Variants in ABCA13 observed in about 807,000 individuals in gnomAD.
The protein encoded by ABCA13 is ATP-binding cassette sub-family A member 13.
A neutral mutation model predicts 478.7 loss-of-function variants in ABCA13; 476 were observed. The observed-to-expected ratio is 0.99, with a 90% CI of 0.92 to 1.07. The LOEUF (loss-of-function observed/expected upper bound fraction) is 1.07, where lower values mean the gene tolerates loss of function less well. Among genes scored for constraint, ABCA13 ranks in the 50% least tolerant of loss-of-function variants. The probability of loss-of-function intolerance (pLI) is 0.00; values close to 1 mark genes in which losing one functional copy is unlikely to be tolerated. For synonymous variants in ABCA13, 2,252 were observed against 2,158.9 expected, an observed-to-expected ratio of 1.04 and a Z score of -1.20; for missense variants, 6,060 against 5,910.6, an observed-to-expected ratio of 1.03 and a Z score of -0.83.
At chr7:48,475,944 C>G (rs186154308) in intron 45 of ABCA13, among the ~76,000 whole-genome samples, 82 of 152,260 alleles carry the variant, frequency 5.4e-4, no homozygotes, top group Non-Finnish European at 5.9e-4. Context: ...GGTCTGAGCT[C>G]CAGTGGATAA....
In ABCA13 at chr7:48,275,891, C is replaced by A. The variant is rs753294867; in HGVS notation, c.6225C>A (p.Ile2075=). The A allele has an allele frequency of 8.7e-6, 14 of 1,613,560 alleles. No homozygotes were observed. The East Asian group carries it at 3.1e-4, about 36-fold the overall frequency. Residue 2075 remains isoleucine, a synonymous_variant, in exon 17 of 62, where the codon ATC becomes ATA. Coordinates refer to ENST00000435803, the MANE Select transcript of ABCA13 (RefSeq NM_152701.5). ...IMKDLTQDFR[I]RHLLSEMNKG... ...AAGACCTAACCCAAGATTTTAGAATCAGACACCTGCTTTCTGAAATGAACA... is the reference window on the plus strand; with the variant it reads ...AAGACCTAACCCAAGATTTTAGAATAAGACACCTGCTTTCTGAAATGAACA...
At chr7:48,368,196 C>T (rs1811989103) in intron 32 of ABCA13, among the ~76,000 whole-genome samples, 1 of 152,228 alleles carries the variant, frequency 6.6e-6, no homozygotes, top group African/African-American at 2.4e-5. Flanking sequence ...TTTTAAAACC[C>T]AGAAAAACAT....
intron 58 of ABCA13, among the ~76,000 whole-genome samples, chr7:48,605,209 G>A (rs1377550382): frequency 2.0e-5 from 3 of 152,016 alleles, no homozygotes; most frequent in Non-Finnish European, 4.4e-5. Context: ...CTTTTAATTG[G>A]GGCACGTAGC....
chr7:48,439,815 G>A (rs1213283119), intron 42 of ABCA13, among the ~76,000 whole-genome samples: 2 of 152,104 alleles, frequency 1.3e-5, no homozygotes, highest in Non-Finnish European at 2.9e-5. Context: ...CGTTCTTAAT[G>A]AGATCTGTAA....
In ABCA13 at chr7:48,272,060, C is replaced by T. The variant is rs748153272; in HGVS notation, c.2394C>T (p.Asn798=). Residue 798 remains asparagine, a synonymous_variant, in exon 17 of 62, where the codon AAC becomes AAT. Coordinates refer to ENST00000435803, the MANE Select transcript of ABCA13 (RefSeq NM_152701.5). The stretch of plus-strand genomic sequence containing the variant: ...CTCAGAAACTCTTGGAATTTGGCAA[C>T]GAAGTGATTTGGAAAATGCAGACTC... ...TDAQKLLEFG[N]EVIWKMQTLG... 33 of 1,613,462 alleles carry T rather than the reference C, an allele frequency of 2.0e-5. No individual in the cohort carries two copies. Among genetic ancestry groups the T allele is most frequent in the Middle Eastern group, 1.6e-4 (1 of 6,084 alleles).
intron 60 of ABCA13, 67 bp downstream of exon 60, chr7:48,643,460 T>C (rs1795246313): frequency 1.5e-6 from 2 of 1,376,312 alleles, no homozygotes; most frequent in Non-Finnish European, 2.1e-6. Flanking sequence ...GTACCTGTCT[T>C]TTTTTGTTTT....
intron 41 of ABCA13, among the ~76,000 whole-genome samples, chr7:48,420,091 C>G (rs993916475): frequency 1.1e-4 from 17 of 152,176 alleles, no homozygotes; most frequent in African/African-American, 3.9e-4. Context: ...TGTTGTAGCG[C>G]TGAGGGTGCT....
intron 1 of ABCA13, among the ~76,000 whole-genome samples, chr7:48,185,173 G>A (rs1320134083): frequency 1.3e-5 from 2 of 152,134 alleles, no homozygotes; most frequent in Non-Finnish European, 2.9e-5. Context: ...ATTTGTTGCA[G>A]AAGAAATTAT....
chr7:48,355,200 G>A (rs1809692760), intron 31 of ABCA13, among the ~76,000 whole-genome samples: 2 of 151,960 alleles, frequency 1.3e-5, no homozygotes, highest in Admixed American at 6.5e-5. Context: ...CAGGGTCAGG[G>A]ACACTAGGAG....
chr7:48,572,808 ATGTAATTTTTACATAG>A (rs1421019542), intron 55 of ABCA13, among the ~76,000 whole-genome samples: 1 of 152,184 alleles, frequency 6.6e-6, no homozygotes, highest in Non-Finnish European at 1.5e-5. Flanking sequence ...TGTATGATCC[ATGTAATTTTTACATAG>A]ATGTTTCAAA....
intron 27 of ABCA13, among the ~76,000 whole-genome samples, chr7:48,321,309 G>A (rs970354555): frequency 6.6e-6 from 1 of 152,198 alleles, no homozygotes; most frequent in Admixed American, 6.5e-5. Flanking sequence ...AGAAACCCCA[G>A]CATAAAGGGG....
chr7:48,406,608 C>A (rs1415087606), intron 39 of ABCA13, among the ~76,000 whole-genome samples: 1 of 152,184 alleles, frequency 6.6e-6, no homozygotes, highest in Non-Finnish European at 1.5e-5. Context: ...CATGGTGGCT[C>A]ATGCCTATAA....
At chr7:48,458,322 G>A (rs1217745044) in intron 43 of ABCA13, among the ~76,000 whole-genome samples, 2 of 152,136 alleles carry the variant, frequency 1.3e-5, no homozygotes, top group Non-Finnish European at 2.9e-5. Flanking sequence ...TGGTAACCCA[G>A]CACCCATCCT....
intron 56 of ABCA13, 104 bp downstream of exon 56, chr7:48,580,478 T>C: frequency 9.3e-7 from 1 of 1,078,468 alleles, no homozygotes; most frequent in Non-Finnish European, 1.3e-6. Context: ...GAGAAGGAAC[T>C]GTAGTATCAG....
intron 26 of ABCA13, among the ~76,000 whole-genome samples, chr7:48,314,768 A>G (rs1489671211): frequency 6.6e-6 from 1 of 152,212 alleles, no homozygotes; most frequent in Non-Finnish European, 1.5e-5. Flanking sequence ...TATAATAACG[A>G]AGAGAACTTG....
Position 48,580,235 on chromosome 7 carries a change from A to G in ABCA13, c.14366A>G (p.Asp4789Gly), listed in dbSNP as rs200843904. 13 of 1,610,676 alleles carry G rather than the reference A, an allele frequency of 8.1e-6. No homozygotes were observed. The highest frequency in any genetic ancestry group is 1.1e-5 in the Non-Finnish European group (13 of 1,178,652). The change falls in exon 56 of 62, where the codon GAC (aspartate) becomes GGC (glycine). Residue 4789 changes from aspartate to glycine, a missense_variant. This residue lies in a region of ABCA13 where 1,627 missense variants were observed against 1,571.0 expected (regional missense o/e 1.04). Coordinates refer to ENST00000435803, the MANE Select transcript of ABCA13 (RefSeq NM_152701.5). ...IIRTPMGDAV[D>G]LSSAGTAGVL... ...GCTTCTCTCTGCAGAGACGCCGTGG[A>G]CCTGTCTTCTGCTGGCACGGCAGGC...
At chr7:48,467,434 T>A (rs1405269172) in intron 44 of ABCA13, among the ~76,000 whole-genome samples, 1 of 152,174 alleles carries the variant, frequency 6.6e-6, no homozygotes, top group Non-Finnish European at 1.5e-5. Flanking sequence ...ATTAATTATA[T>A]ATTTTTTTAA....
chr7:48,606,610 C>T (rs1343062939), intron 58 of ABCA13, among the ~76,000 whole-genome samples: 5 of 152,140 alleles, frequency 3.3e-5, no homozygotes, highest in Non-Finnish European at 5.9e-5. Flanking sequence ...GGTCACCTAC[C>T]AAATACCAGC....
chr7:48,566,486 AAGG>A (rs1447744993), intron 55 of ABCA13, among the ~76,000 whole-genome samples: 1 of 152,222 alleles, frequency 6.6e-6, no homozygotes, highest in Non-Finnish European at 1.5e-5. Context: ...GATTTTGATT[AAGG>A]AGATGTTGGT....
Sources: gnomAD v4.1 joint callset for allele counts (sites outside exome capture counted in the v4.1 genomes callset) on GRCh38, gnomAD v4.1.1 for gene constraint, gnomAD v4.1.1 regional missense constraint, MANE v1.5 for transcripts, NCBI Gene and HGNC (gene_info 2026-07-23, HGNC 2026-07-21) for gene names.